AFF3: variants seen among roughly 807,000 people sequenced by gnomAD.
AFF3 encodes the protein ALF transcription elongation factor 3.
In AFF3, 32 loss-of-function variants were observed where a neutral mutation model predicts 129.7. That is an observed-to-expected ratio of 0.25 (90% CI 0.19 to 0.33). The LOEUF is 0.33. Ranked by LOEUF, AFF3 falls within the 10% of genes least tolerant of loss-of-function variation. AFF3 has a pLI of 1.00. For missense variants in AFF3, 1,373 were observed against 1,592.0 expected (o/e 0.86, Z 2.34); for synonymous variants, 644 against 635.4 (o/e 1.01, Z -0.20).
chr2:100,016,619 GATGGTGGTGGTGGTGATGGTGGTGGTA>G (rs1313498281), intron 4 of AFF3, among the ~76,000 whole-genome samples: 1 of 145,526 alleles, frequency 6.9e-6, no homozygotes, highest in Non-Finnish European at 1.5e-5. Flanking sequence ...TGGTAATGGT[GATGGTGGTGGTGGTGATGGTGGTGGTA>G]ATGGTGTTGG....
At chr2:99,787,371 C>T (rs1388459591) in intron 8 of AFF3, among the ~76,000 whole-genome samples, 1 of 152,122 alleles carries the variant, frequency 6.6e-6, no homozygotes, top group Non-Finnish European at 1.5e-5. Flanking sequence ...CTGTGACCCC[C>T]ACGTTAGGCA....
intron 7 of AFF3, among the ~76,000 whole-genome samples, chr2:99,957,982 T>C (rs1277977018): frequency 6.6e-6 from 1 of 152,146 alleles, no homozygotes; most frequent in East Asian, 1.9e-4. Context: ...GGGATGGTTT[T>C]CAAACTCCTG....
intron 7 of AFF3, among the ~76,000 whole-genome samples, chr2:99,846,094 A>T (rs2105841844): frequency 6.6e-6 from 1 of 151,824 alleles, no homozygotes; most frequent in South Asian, 2.1e-4. Context: ...AGCCTCCCAA[A>T]GTGCTGGGAT....
At chr2:99,812,941 C>T (rs376761228) in intron 8 of AFF3, among the ~76,000 whole-genome samples, 10 of 152,096 alleles carry the variant, frequency 6.6e-5, no homozygotes, top group African/African-American at 2.4e-4. Context: ...ATTATTTAGT[C>T]ATTGCTGATT....
chr2:99,601,357 C>G (rs1679809267), intron 14 of AFF3, 78 bp downstream of exon 14: 3 of 1,435,632 alleles, frequency 2.1e-6, no homozygotes, highest in Non-Finnish European at 2.8e-6. Context: ...AGCAGTGTGA[C>G]AGTGACAATG....
At chr2:99,796,987 A>T (rs894321570) in intron 8 of AFF3, among the ~76,000 whole-genome samples, 2 of 152,156 alleles carry the variant, frequency 1.3e-5, no homozygotes, top group East Asian at 3.9e-4. Flanking sequence ...ACTATTTCCA[A>T]GTAACTTAAC....
chr2:99,659,537 T>C (rs17782756), intron 12 of AFF3, among the ~76,000 whole-genome samples: 5,546 of 152,274 alleles, frequency 0.036, 122 homozygotes, highest in Non-Finnish European at 0.047. Flanking sequence ...CTCACTAGAA[T>C]GGGCAGGTCT....
rs575103540 is a variant in AFF3 at position 99,847,674 on chromosome 2, T to A, written c.874-10150A>T. Among the ~76,000 whole-genome samples, 4 of 152,110 alleles carry A rather than the reference T, an allele frequency of 2.6e-5. No individual in the cohort carries two copies. The South Asian group carries it at 8.3e-4, about 32-fold the overall frequency. ...TGGGGTATCTGGGGCTGAACTCAGA[T>A]ATTAATCCTCACATGTGTCCCCTCT... On this transcript the variant is annotated intron_variant, in intron 7 of 24. Transcript: ENST00000672756.
chr2:100,049,541 G>A (rs1686113971), intron 4 of AFF3, among the ~76,000 whole-genome samples: 1 of 152,124 alleles, frequency 6.6e-6, no homozygotes. Context: ...AATATAAACT[G>A]TGCACTAGAT....
chr2:99,716,303 G>C (rs1213401164), intron 11 of AFF3, among the ~76,000 whole-genome samples: 1 of 152,136 alleles, frequency 6.6e-6, no homozygotes, highest in Non-Finnish European at 1.5e-5. Context: ...TGTCTCTAGA[G>C]AAACAATATA....
chr2:99,943,217 G>T (rs746872201), intron 7 of AFF3, among the ~76,000 whole-genome samples: 1 of 152,146 alleles, frequency 6.6e-6, no homozygotes, highest in Non-Finnish European at 1.5e-5. Flanking sequence ...AGAGCACCAG[G>T]CAGGATAAAC....
chr2:100,079,637 T>C (rs1688881345), intron 4 of AFF3, among the ~76,000 whole-genome samples: 4 of 152,188 alleles, frequency 2.6e-5, no homozygotes, highest in Admixed American at 2.6e-4. Flanking sequence ...TGATGAACTG[T>C]ACTTTCTTGT....
At chr2:99,553,917 C>CAAAAAAAAAAAAAAAAAAAAAAAAAAA (rs1674649199) in intron 24 of AFF3, among the ~76,000 whole-genome samples, 5 of 72,454 alleles carry the variant, frequency 6.9e-5, no homozygotes, top group African/African-American at 1.4e-4. Context: ...CTGTCTCAAA[C>CAAAAAAAAAAAAAAAAAAAAAAAAAAA]CAAAAAAAAA....
intron 13 of AFF3, among the ~76,000 whole-genome samples, chr2:99,648,134 G>A (rs1171618106): frequency 6.6e-6 from 1 of 151,492 alleles, no homozygotes; most frequent in Non-Finnish European, 1.5e-5. Flanking sequence ...GTATTTATAT[G>A]TGTAGCTTTA....
intron 11 of AFF3, among the ~76,000 whole-genome samples, chr2:99,720,022 G>A (rs1453703718): frequency 6.6e-6 from 1 of 152,210 alleles, no homozygotes; most frequent in Non-Finnish European, 1.5e-5. Context: ...GGGTGACAGA[G>A]CGAGACTCCG....
chr2:99,957,798 T>G (rs1022537776), intron 7 of AFF3, among the ~76,000 whole-genome samples: 1 of 152,158 alleles, frequency 6.6e-6, no homozygotes, highest in African/African-American at 2.4e-5. Context: ...TATGGAACCC[T>G]CAGCATCTGA....
chr2:99,689,457 T>G (rs1675384676), intron 11 of AFF3, among the ~76,000 whole-genome samples: 1 of 152,042 alleles, frequency 6.6e-6, no homozygotes, highest in Non-Finnish European at 1.5e-5. Flanking sequence ...GGCACAGCTT[T>G]TTGGTGCTCA....
chr2:99,588,562 T>C (rs1408482908), intron 15 of AFF3, among the ~76,000 whole-genome samples: 4 of 152,220 alleles, frequency 2.6e-5, no homozygotes, highest in African/African-American at 9.6e-5. Context: ...GAACCTAGTA[T>C]GGTATCCTCA....
At chr2:99,744,053 G>GC (rs761157097) in intron 10 of AFF3, 51 bp downstream of exon 10, 1 of 1,457,778 alleles carries the variant, frequency 6.9e-7, no homozygotes. Context: ...TCTGCCCTCT[G>GC]CCCCCACCCC....
Sources: allele counts gnomAD v4.1 joint callset (sites outside exome capture counted in the v4.1 genomes callset), GRCh38; gene constraint gnomAD v4.1.1; transcripts MANE v1.5; gene names NCBI Gene and HGNC (gene_info 2026-07-23, HGNC 2026-07-21).